Variants in MMP26 observed in about 807,000 individuals in gnomAD.
MMP26 encodes matrix metalloproteinase-26.
A neutral mutation model predicts 31.0 loss-of-function variants in MMP26; 33 were observed. The observed-to-expected ratio is 1.06, with a 90% CI of 0.81 to 1.42. MMP26 has a LOEUF of 1.42. Among genes scored for constraint, MMP26 ranks in the 40% most tolerant of loss-of-function variants. The pLI is 0.00. For missense variants in MMP26, 347 were observed against 316.1 expected (o/e 1.10, Z -0.74); for synonymous variants, 122 against 114.9 (o/e 1.06, Z -0.40).
rs1846900954 is a variant in MMP26 at position 4,986,920 on chromosome 11, T to TCTCTCTCTCC, written c.-144-1139_-144-1138insCCTCTCTCTC. On this transcript the variant is annotated intron_variant, in intron 2 of 7. Coordinates refer to ENST00000380390, the MANE Select transcript of MMP26 (RefSeq NM_021801.5). ...CTTCCTTCCTTTCTCTCTCTCTCTC[T>TCTCTCTCTCC]CTCTCTCTCTCCCTCTCTCTCTCTC... 1.3e-4 allele frequency among the ~76,000 whole-genome samples: 14 copies of TCTCTCTCTCC among 109,174 alleles called. 1 individual carries two copies. The highest frequency in any genetic ancestry group is 4.9e-4 in the African/African-American group (14 of 28,500). 71.6% of individuals were successfully genotyped at this position (109,174 alleles called of 152,430 possible).
chr11:4,912,610 C>T (rs1851008205), intron 2 of MMP26: 1 of 152,094 alleles, frequency 6.6e-6, no homozygotes, highest in African/African-American at 2.4e-5. Flanking sequence ...TTAATACACA[C>T]AATTCACATA....
chr11:4,781,419 C>T lies in MMP26; in HGVS notation c.-145+14078C>T, dbSNP rs373897185. On this transcript the variant is annotated intron_variant, in intron 2 of 7. Coordinates refer to ENST00000380390, the MANE Select transcript of MMP26 (RefSeq NM_021801.5). ...AAAATTAGCCGGGCGCGGTGGCGGG[C>T]GCCTGTAGTCCCAGCTACTCGGGAG... Among the ~76,000 whole-genome samples, 102 of 98,968 alleles carry T rather than the reference C, an allele frequency of 1.0e-3. 17 individuals are homozygous for T. Among genetic ancestry groups the T allele is most frequent in the Non-Finnish European group, 1.8e-3 (91 of 50,358 alleles). The allele number at this position is 98,968 out of a possible 152,430, so 64.9% of individuals were successfully genotyped here.
intron 1 of MMP26, among the ~76,000 whole-genome samples, chr11:4,749,734 A>G (rs1351472537): frequency 2.0e-5 from 3 of 152,132 alleles, no homozygotes. Context: ...GCCAATATGC[A>G]GAATGAATCT....
At chr11:4,783,086 G>T (rs1481363563) in intron 2 of MMP26, among the ~76,000 whole-genome samples, 2 of 152,222 alleles carry the variant, frequency 1.3e-5, no homozygotes, top group Non-Finnish European at 2.9e-5. Context: ...GCACCACCTA[G>T]TGGAGCTATG....
At chr11:4,870,860 T>A (rs573997482) in intron 2 of MMP26, among the ~76,000 whole-genome samples, 2 of 152,156 alleles carry the variant, frequency 1.3e-5, no homozygotes, top group African/African-American at 4.8e-5. Context: ...CCTGAAGATA[T>A]ACACTTGTAG....
chr11:4,984,699 T>A (rs965445384), intron 2 of MMP26, among the ~76,000 whole-genome samples: 20 of 152,194 alleles, frequency 1.3e-4, no homozygotes, highest in Non-Finnish European at 2.5e-4. Flanking sequence ...AATTTGTTAG[T>A]AAATTTGTCA....
chr11:4,954,286 C>T (rs2412438), intron 2 of MMP26, among the ~76,000 whole-genome samples: 76,396 of 120,960 alleles, frequency 0.63, 31,353 homozygotes, highest in South Asian at 0.79. Flanking sequence ...GGGTACTATG[C>T]TCACTACCTG....
chr11:4,875,797 G>A (rs1368413350), intron 2 of MMP26: 2 of 152,052 alleles, frequency 1.3e-5, no homozygotes, highest in Admixed American at 6.6e-5. Flanking sequence ...TCAAAGATAC[G>A]GATGAGGACA....
At chr11:4,903,192 G>A (rs576163517) in intron 2 of MMP26, among the ~76,000 whole-genome samples, 5 of 152,070 alleles carry the variant, frequency 3.3e-5, no homozygotes, top group South Asian at 4.2e-4. Flanking sequence ...GATACTCCTC[G>A]GACGGTTCTA....
chr11:4,790,270 G>A (rs1317083867), intron 2 of MMP26, among the ~76,000 whole-genome samples: 3 of 150,210 alleles, frequency 2.0e-5, no homozygotes, highest in African/African-American at 7.3e-5. Flanking sequence ...AAACCTGGGA[G>A]GTGCGGAGGC....
chr11:4,773,422 C>G (rs1308937893), intron 2 of MMP26, among the ~76,000 whole-genome samples: 1 of 152,108 alleles, frequency 6.6e-6, no homozygotes, highest in African/African-American at 2.4e-5. Context: ...GAAACTGAGT[C>G]CCTCAACTCA....
intron 2 of MMP26, among the ~76,000 whole-genome samples, chr11:4,785,367 G>C (rs1233309879): frequency 1.3e-5 from 2 of 152,012 alleles, no homozygotes; most frequent in African/African-American, 4.8e-5. Context: ...TCTAGGTATA[G>C]ATGAGACTCT....
chr11:4,986,942 T>TCTCTCTCC (rs1846906157), intron 2 of MMP26, among the ~76,000 whole-genome samples: 1 of 120,828 alleles, frequency 8.3e-6, no homozygotes. Context: ...CCTCTCTCTC[T>TCTCTCTCC]CTCTCTCTCT....
rs74849234 is a variant in MMP26, at chr11:4,980,669, T to C, written c.-144-7399T>C. Among the ~76,000 whole-genome samples the C allele has an allele frequency of 5.1e-4, 77 of 152,218 alleles. 1 individual carries two copies. In the East Asian group the frequency reaches 0.012, roughly 24 times the overall value. ...ATTCCCATAGTCATAGAATTATACATGTTATTTCTTGAAAATATGAAGAAA... is the reference window on the plus strand; with the variant it reads ...ATTCCCATAGTCATAGAATTATACACGTTATTTCTTGAAAATATGAAGAAA... On this transcript the variant is annotated intron_variant, in intron 2 of 7. Coordinates refer to ENST00000380390, the MANE Select transcript of MMP26 (RefSeq NM_021801.5).
At chr11:4,756,565 A>T (rs528267241) in intron 1 of MMP26, 2 of 152,262 alleles carry the variant, frequency 1.3e-5, no homozygotes, top group Non-Finnish European at 2.9e-5. Context: ...TTTACAAAAA[A>T]ATTAAAATAT....
At chr11:4,797,203 G>C (rs747982906) in intron 2 of MMP26, among the ~76,000 whole-genome samples, 1 of 152,142 alleles carries the variant, frequency 6.6e-6, no homozygotes, top group African/African-American at 2.4e-5. Context: ...AAACATGACT[G>C]TTGAGGGTTA....
intron 2 of MMP26, among the ~76,000 whole-genome samples, chr11:4,920,916 A>G (rs1357402880): frequency 2.6e-5 from 4 of 152,208 alleles, no homozygotes; most frequent in Non-Finnish European, 5.9e-5. Flanking sequence ...GTCATTACTG[A>G]TAGGTATCAG....
chr11:4,816,200 C>G (rs7926018), intron 2 of MMP26, among the ~76,000 whole-genome samples: 2,337 of 152,110 alleles, frequency 0.015, 55 homozygotes, highest in African/African-American at 0.044. Flanking sequence ...ATATTGATTT[C>G]TAGTTTTGTA....
chr11:4,769,627 A>G (rs11033797), intron 2 of MMP26: 376,752 of 1,604,308 alleles, frequency 0.23, 49,814 homozygotes, highest in African/African-American at 0.44. Context: ...CAATGCAGCT[A>G]TATAGACTGA....
Sources: gnomAD v4.1 joint callset for allele counts (sites outside exome capture counted in the v4.1 genomes callset) on GRCh38, gnomAD v4.1.1 for gene constraint, MANE v1.5 for transcripts, NCBI Gene and HGNC (gene_info 2026-07-23, HGNC 2026-07-21) for gene names.